The following RNF149 variants were observed in gnomAD, a reference collection of about 807,000 sequenced individuals.
The protein encoded by RNF149 is E3 ubiquitin-protein ligase RNF149.
A neutral mutation model predicts 39.0 loss-of-function variants in RNF149; 21 were observed. That is an observed-to-expected ratio of 0.54 (90% CI 0.38 to 0.77). The LOEUF is 0.77. Among genes scored for constraint, RNF149 ranks in the 30% least tolerant of loss-of-function variants. The pLI, the probability that RNF149 is intolerant of heterozygous loss-of-function variation, is 0.00. For synonymous variants in RNF149, 209 were observed against 213.6 expected (o/e 0.98, Z 0.19); for missense variants, 493 against 534.9 (o/e 0.92, Z 0.77).
Position 101,308,547 on chromosome 2 carries a change from G to T in RNF149, c.42C>A (p.Gly14=). 1.3e-6 allele frequency: 2 copies of T among 1,590,364 alleles called. No individual in the cohort carries two copies. Among genetic ancestry groups the T allele is most frequent in the East Asian group, 4.6e-5 (2 of 43,598 alleles). Residue 14 remains glycine (G), a synonymous_variant, in exon 1 of 7, where the codon GGC becomes GGA. Transcript: ENST00000295317. Reference sequence around the variant, plus strand: ...GGGCGAGCAACGCCAGAGCCAACACGCCGCGAGCCCCGACGCTGGCTTCGC... The same window carrying T: ...GGGCGAGCAACGCCAGAGCCAACACTCCGCGAGCCCCGACGCTGGCTTCGC... ...RRREASVGAR[G]VLALALLALA...
At chr2:101,288,005 T>C (rs1682860437) in intron 4 of RNF149, among the ~76,000 whole-genome samples, 1 of 152,144 alleles carries the variant, frequency 6.6e-6, no homozygotes, top group Admixed American at 6.6e-5. Flanking sequence ...AGTATCCCAT[T>C]ACTTTTTTTG....
intron 1 of RNF149, among the ~76,000 whole-genome samples, chr2:101,306,179 A>G (rs182139240): frequency 3.3e-5 from 5 of 152,332 alleles, no homozygotes; most frequent in Admixed American, 2.0e-4. Context: ...GAGTTTCTTA[A>G]TGCTATTATC....
chr2:101,305,708 T>G (rs6711606), intron 1 of RNF149, among the ~76,000 whole-genome samples: 130,581 of 151,846 alleles, frequency 0.86, 56,700 homozygotes, highest in African/African-American at 0.97. Context: ...GAGGGGGGTA[T>G]GAACAGGGAG....
chr2:101,289,587 C>T (rs1309876737), intron 3 of RNF149, among the ~76,000 whole-genome samples: 3 of 151,756 alleles, frequency 2.0e-5, no homozygotes, highest in Non-Finnish European at 4.4e-5. Context: ...TGCCTGTAGT[C>T]CCAGCTACTC....
rs141972835 is a variant in RNF149, at chr2:101,291,991, G to A, written c.780+2023C>T. On this transcript the variant is annotated intron_variant, in intron 3 of 6. Coordinates refer to ENST00000295317, the MANE Select transcript of RNF149 (RefSeq NM_173647.4). The stretch of plus-strand genomic sequence containing the variant: ...TAATGTACCTAACCTACTGAACATC[G>A]CGGCTTAGCCTGGCCTACCATAAAC... Among the ~76,000 whole-genome samples the A allele has an allele frequency of 9.2e-4, 140 of 152,218 alleles. 2 individuals are homozygous for A. In the East Asian group the frequency reaches 0.025, roughly 27 times the overall value.
At chr2:101,300,850 T>G (rs1443801110) in intron 1 of RNF149, among the ~76,000 whole-genome samples, 11 of 152,166 alleles carry the variant, frequency 7.2e-5, no homozygotes, top group Admixed American at 7.2e-4. Context: ...AACATGCTAG[T>G]TCAGGGGTCA....
chr2:101,278,392 C>T (rs1682433263), intron 6 of RNF149, among the ~76,000 whole-genome samples: 1 of 152,168 alleles, frequency 6.6e-6, no homozygotes, highest in South Asian at 2.1e-4. Flanking sequence ...CTCCCTGCCA[C>T]CCTACCTCCA....
chr2:101,288,889 T>C (rs1045621367), intron 4 of RNF149, 84 bp downstream of exon 4: 19 of 688,398 alleles, frequency 2.8e-5, no homozygotes, highest in East Asian at 1.3e-4. Context: ...ATCTTCATTA[T>C]CATAAAAAAC....
chr2:101,306,245 A>C (rs973027313), intron 1 of RNF149, among the ~76,000 whole-genome samples: 1 of 152,230 alleles, frequency 6.6e-6, no homozygotes, highest in East Asian at 1.9e-4. Context: ...TGCTATTTGA[A>C]AAAAAGTCTA....
downstream of RNF149, chr2:101,273,245 G>A (rs1018930498): frequency 6.4e-5 from 44 of 684,928 alleles, no homozygotes; most frequent in Non-Finnish European, 8.9e-5. Context: ...AGGGGGCTGC[G>A]GAGAGCAGCA....
intron 1 of RNF149, among the ~76,000 whole-genome samples, chr2:101,300,569 T>C (rs1683414269): frequency 6.6e-6 from 1 of 152,170 alleles, no homozygotes; most frequent in South Asian, 2.1e-4. Flanking sequence ...TCCCAGCACT[T>C]TGGGAGGCCA....
chr2:101,277,492 G>A (rs574615903), intron 6 of RNF149, among the ~76,000 whole-genome samples: 7 of 146,304 alleles, frequency 4.8e-5, no homozygotes, highest in Admixed American at 2.0e-4. Flanking sequence ...GGGTTCAAGC[G>A]ATTCTCCTGC....
At chr2:101,272,965 G>T (rs1424587477), downstream of RNF149, 1 of 1,352,198 alleles carries the variant, frequency 7.4e-7, no homozygotes, top group East Asian at 4.5e-5. Context: ...TTCGCTTCAG[G>T]ATATTTTGTC....
Position 101,299,986 on chromosome 2 carries a change from G to A in RNF149, c.461-4805C>T, listed in dbSNP as rs139010788. Among the ~76,000 whole-genome samples the A allele has an allele frequency of 3.2e-3, 494 of 152,358 alleles. 5 individuals are homozygous for A. The highest frequency in any genetic ancestry group is 0.01 in the African/African-American group (429 of 41,596). On this transcript the variant is annotated intron_variant, in intron 1 of 6. Coordinates refer to ENST00000295317, the MANE Select transcript of RNF149 (RefSeq NM_173647.4). ...AAAATCACTGTTATCCACTGCCTGG[G>A]AGGTTGGAAAAATCCATGGTCACTG...
chr2:101,275,077 G>A (rs1682278164), downstream of RNF149, among the ~76,000 whole-genome samples: 1 of 148,320 alleles, frequency 6.7e-6, no homozygotes, highest in Admixed American at 6.8e-5. Context: ...TTAGAGGCGT[G>A]AGCCACCACG....
intron 6 of RNF149, 101 bp downstream of exon 6, chr2:101,281,758 G>A (rs2104390691): frequency 3.5e-6 from 5 of 1,427,554 alleles, no homozygotes; most frequent in African/African-American, 1.4e-5. Context: ...GCTCAAACTC[G>A]AGCAATCCTC....
At chr2:101,273,010 G>C, downstream of RNF149, 1 of 1,352,588 alleles carries the variant, frequency 7.4e-7, no homozygotes, top group Non-Finnish European at 9.8e-7. Flanking sequence ...TGCTGATGGA[G>C]ACACTGCAAT....
chr2:101,303,535 C>T (rs1428160705), intron 1 of RNF149, among the ~76,000 whole-genome samples: 3 of 152,182 alleles, frequency 2.0e-5, no homozygotes, highest in African/African-American at 7.2e-5. Context: ...ATTTAACCTG[C>T]TCTGCAAATA....
Position 101,294,033 on chromosome 2 carries a change from G to T in RNF149, c.761C>A (p.Thr254Asn). 6.3e-7 allele frequency: 1 copy of T among 1,589,774 alleles called. No homozygotes were observed. Among genetic ancestry groups the T allele is most frequent in the Non-Finnish European group, 8.6e-7 (1 of 1,158,906 alleles). ...TATTACCTTTTCTCCATGCTTTACA[G>T]TATGAAGTAGAAGCTGGCCAATAAC... ...KKVIGQLLLH[T>N]VKHGEKGIDV... Residue 254 changes from threonine to asparagine, a missense_variant, in exon 3 of 7, where the codon ACT (threonine) becomes AAT (asparagine). Physicochemically the swap from Thr to Asn is moderately conservative, Grantham distance 65. Transcript: ENST00000295317.
Sources: gnomAD v4.1 joint callset for allele counts (sites outside exome capture counted in the v4.1 genomes callset) on GRCh38, gnomAD v4.1.1 for gene constraint, MANE v1.5 for transcripts, NCBI Gene and HGNC (gene_info 2026-07-23, HGNC 2026-07-21) for gene names.